GHITM: variants seen among roughly 807,000 people sequenced by gnomAD.
GHITM encodes the protein growth hormone-inducible transmembrane protein.
GHITM carries 24 observed loss-of-function variants against 38.7 expected under a neutral mutation model. The ratio of observed to expected loss-of-function variants is 0.62; its 90% CI spans 0.45 to 0.87. The LOEUF is 0.87. Ranked by LOEUF, GHITM falls within the 40% of genes least tolerant of loss-of-function variation. The pLI, the probability that GHITM is intolerant of heterozygous loss-of-function variation, is 0.00. For synonymous variants in GHITM, 154 were observed against 147.8 expected (o/e 1.04, Z -0.30); for missense variants, 420 against 429.8 (o/e 0.98, Z 0.20).
In GHITM at chr10:84,152,474, T is replaced by C. The variant is rs1396855535; in HGVS notation, c.*126T>C. The C allele has an allele frequency of 2.0e-6, 1 of 508,256 alleles. No homozygotes were observed. Among genetic ancestry groups the C allele is most frequent in the Non-Finnish European group, 3.5e-6 (1 of 287,292 alleles). The allele number at this position is 508,256 out of a possible 1,614,324, so 31.5% of individuals were successfully genotyped here. Reference sequence around the variant, plus strand: ...AAGATAAGAAACATGTCATCATATTTAAATGTTCCGGTAATGTGATGCCTC... The same window carrying C: ...AAGATAAGAAACATGTCATCATATTCAAATGTTCCGGTAATGTGATGCCTC... On this transcript the variant is annotated 3_prime_UTR_variant, in exon 9 of 9. Transcript: ENST00000372134.
chr10:84,152,887 G>A lies in GHITM; in HGVS notation c.*539G>A, dbSNP rs1303833304. 1 of 152,286 alleles carries A rather than the reference G, an allele frequency of 6.6e-6. No homozygotes were observed. The highest frequency in any genetic ancestry group is 1.5e-5 in the Non-Finnish European group (1 of 68,072). 9.4% of individuals were successfully genotyped at this position (152,286 alleles called of 1,614,324 possible). ...ACATCTGGGTATTTGGAAACAAGTG[G>A]TCATTGTTACATTCATCTGCTGAAC... is the stretch of plus-strand genomic sequence containing the variant. On this transcript the variant is annotated 3_prime_UTR_variant, in exon 9 of 9. Coordinates refer to ENST00000372134, the MANE Select transcript of GHITM (RefSeq NM_014394.3).
intron 2 of GHITM, 130 bp downstream of exon 2, chr10:84,141,759 C>G: frequency 1.3e-6 from 1 of 797,016 alleles, no homozygotes; most frequent in Non-Finnish European, 2.1e-6. Flanking sequence ...CCAATCAGCT[C>G]TTTCTCCCCA....
At chr10:84,147,629 T>G (rs1321551614) in intron 5 of GHITM, among the ~76,000 whole-genome samples, 1 of 152,040 alleles carries the variant, frequency 6.6e-6, no homozygotes, top group African/African-American at 2.4e-5. Flanking sequence ...TTTTTTTGTT[T>G]GTTTTTTTAA....
chr10:84,141,644 A>G lies in GHITM; in HGVS notation c.129+15A>G. 6.2e-7 allele frequency: 1 copy of G among 1,612,778 alleles called. No homozygotes were observed. Among genetic ancestry groups the G allele is most frequent in the Non-Finnish European group, 8.5e-7 (1 of 1,178,862 alleles). ...CACCTAGCAGGGTAAAGATAATCTGAATGTTTTTATATTGCTTCTTTTTCC... is the reference window on the plus strand; with the variant it reads ...CACCTAGCAGGGTAAAGATAATCTGGATGTTTTTATATTGCTTCTTTTTCC... On this transcript the variant is annotated intron_variant, in intron 2 of 8. Transcript: ENST00000372134.
Position 84,150,773 on chromosome 10 carries a change from T to C in GHITM, c.846T>C (p.Gly282=). The C allele has an allele frequency of 1.9e-6, 3 of 1,612,892 alleles. No individual in the cohort carries two copies. The highest frequency in any genetic ancestry group is 1.3e-5 in the African/African-American group (1 of 75,018). ...CTCTTTACTCAGTGGCAATGTACGG[T>C]GGATTAGTTCTTTTCAGCATGTTCC... is the stretch of plus-strand genomic sequence containing the variant. ...GATLYSVAMY[G]GLVLFSMFLL... The change falls in exon 8 of 9, where the codon GGT becomes GGC. Residue 282 remains glycine (G), a synonymous_variant. Transcript: ENST00000372134.
intron 1 of GHITM, chr10:84,140,721 A>G (rs1287014564): frequency 6.6e-5 from 10 of 152,020 alleles, no homozygotes. Flanking sequence ...CCCATCTAGT[A>G]TAATGTGCCC....
At chr10:84,148,901 C>A in intron 6 of GHITM, 63 bp downstream of exon 6, 5 of 927,016 alleles carry the variant, frequency 5.4e-6, no homozygotes, top group Non-Finnish European at 5.3e-6. Context: ...GGTGGCTCTT[C>A]ACAGTTGTAA....
intron 1 of GHITM, among the ~76,000 whole-genome samples, chr10:84,140,985 C>T (rs1841500731): frequency 6.6e-6 from 1 of 152,136 alleles, no homozygotes; most frequent in Admixed American, 6.5e-5. Flanking sequence ...TACCTTTTAG[C>T]TTTGTAATGC....
intron 5 of GHITM, among the ~76,000 whole-genome samples, chr10:84,146,161 A>G (rs763057786): frequency 2.0e-5 from 3 of 152,214 alleles, no homozygotes; most frequent in East Asian, 1.9e-4. Context: ...GTGACTTACA[A>G]TCCCATTAGA....
chr10:84,146,965 G>A (rs1841562499), intron 5 of GHITM, among the ~76,000 whole-genome samples: 3 of 152,138 alleles, frequency 2.0e-5, no homozygotes, highest in African/African-American at 7.2e-5. Context: ...GGGCAGCCAG[G>A]GTACCTACTA....
Position 84,141,453 on chromosome 10 carries a change from T to G in GHITM, c.-39-9T>G. The stretch of plus-strand genomic sequence containing the variant: ...TTTTTTGGTTGGTTTTGCCTTTTTT[T>G]TAAACTAGCATTTCAGATCTGCTCG... On this transcript the variant is annotated splice_polypyrimidine_tract_variant and intron_variant, in intron 1 of 8. Coordinates refer to ENST00000372134, the MANE Select transcript of GHITM (RefSeq NM_014394.3). 3 of 1,591,604 alleles carry G rather than the reference T, an allele frequency of 1.9e-6. No individual in the cohort carries two copies. Among genetic ancestry groups the G allele is most frequent in the South Asian group, 1.1e-5 (1 of 89,680 alleles).
intron 2 of GHITM, among the ~76,000 whole-genome samples, chr10:84,142,102 T>C (rs955423542): frequency 6.6e-6 from 1 of 152,212 alleles, no homozygotes; most frequent in African/African-American, 2.4e-5. Flanking sequence ...AGGTTTGAAG[T>C]GTGAGGTAAT....
chr10:84,150,896 T>C lies in GHITM; in HGVS notation c.953+16T>C. 6.5e-7 allele frequency: 1 copy of C among 1,528,878 alleles called. No individual in the cohort carries two copies. The highest frequency in any genetic ancestry group is 1.4e-5 in the African/African-American group (1 of 73,390). The allele number at this position is 1,528,878 out of a possible 1,614,324, so 94.7% of individuals were successfully genotyped here. On this transcript the variant is annotated intron_variant, in intron 8 of 8. Transcript: ENST00000372134. ...CCATTAACTCGTAAGTAATGCTTTT[T>C]ATTTAACACTGTTACTCTGTCACAT... is the stretch of plus-strand genomic sequence containing the variant.
intron 2 of GHITM, 116 bp downstream of exon 2, chr10:84,141,745 A>G: frequency 1.1e-6 from 1 of 887,276 alleles, no homozygotes. Context: ...CCCTGATAAT[A>G]TCCCCAATCA....
At chr10:84,141,813 G>A (rs547381643) in intron 2 of GHITM, among the ~76,000 whole-genome samples, 184 bp downstream of exon 2, 3 of 152,214 alleles carry the variant, frequency 2.0e-5, no homozygotes, top group African/African-American at 4.8e-5. Flanking sequence ...ATATGAAATA[G>A]AAAATGAGTT....
intron 5 of GHITM, among the ~76,000 whole-genome samples, chr10:84,145,963 A>G (rs1841553148): frequency 2.0e-5 from 3 of 152,202 alleles, no homozygotes; most frequent in Non-Finnish European, 2.9e-5. Context: ...TAGGAGGCTG[A>G]GGCAGGAAGA....
At position 84,152,596 on chromosome 10, in the gene GHITM, T is replaced by C. The variant is rs1483240492; in HGVS notation, c.*248T>C. The C allele has an allele frequency of 2.8e-6, 1 of 358,020 alleles. No homozygotes were observed. The highest frequency in any genetic ancestry group is 5.0e-6 in the Non-Finnish European group (1 of 200,856). 22.2% of individuals were successfully genotyped at this position (358,020 alleles called of 1,614,324 possible). A position where few individuals can be genotyped will look rare whatever the true frequency, so the allele number is the denominator to read the frequency against. On this transcript the variant is annotated 3_prime_UTR_variant, in exon 9 of 9. Transcript: ENST00000372134. ...CATGTTTGAGTGATTTTAAAATGTT[T>C]TGGTGAATGTGAAAACTAAAGTTTG...
intron 5 of GHITM, among the ~76,000 whole-genome samples, chr10:84,148,442 G>A (rs779648730): frequency 5.9e-5 from 9 of 152,000 alleles, no homozygotes; most frequent in Non-Finnish European, 1.3e-4. Flanking sequence ...GACTACAGGC[G>A]CGCACCACTG....
chr10:84,145,139 T>C (rs1313177171), intron 5 of GHITM, 123 bp downstream of exon 5: 1 of 652,448 alleles, frequency 1.5e-6, no homozygotes, highest in African/African-American at 1.9e-5. Context: ...GTTCAAATAA[T>C]GTATGAATTA....
Sources: gnomAD v4.1 joint callset for allele counts (sites outside exome capture counted in the v4.1 genomes callset) on GRCh38, gnomAD v4.1.1 for gene constraint, MANE v1.5 for transcripts, NCBI Gene and HGNC (gene_info 2026-07-23, HGNC 2026-07-21) for gene names.